The following SLC12A8 variants were observed in gnomAD, a reference collection of about 807,000 sequenced individuals.
The protein encoded by SLC12A8 is solute carrier family 12 member 8, also known as cation-chloride cotransporter 9.
In SLC12A8, 69 loss-of-function variants were observed where a neutral mutation model predicts 75.6. That is an observed-to-expected ratio of 0.91 (90% CI 0.75 to 1.11). The LOEUF (loss-of-function observed/expected upper bound fraction) is 1.11, where lower values mean the gene tolerates loss of function less well. Among genes scored for constraint, SLC12A8 ranks in the 50% most tolerant of loss-of-function variants. The pLI is 0.00. For missense variants in SLC12A8, 877 were observed against 896.7 expected (o/e 0.98, Z 0.28); for synonymous variants, 365 against 372.8 (o/e 0.98, Z 0.24).
chr3:125,125,042 A>G (rs2107753954), intron 6 of SLC12A8, among the ~76,000 whole-genome samples: 1 of 152,138 alleles, frequency 6.6e-6, no homozygotes, highest in Middle Eastern at 3.4e-3. Context: ...AGTGCCTATA[A>G]TATGCTAATA....
chr3:125,178,066 A>G (rs964466963), intron 4 of SLC12A8, 92 bp from the exon 5 acceptor site: 1 of 1,029,836 alleles, frequency 9.7e-7, no homozygotes, highest in African/African-American at 1.6e-5. Flanking sequence ...CTGCACCCCC[A>G]TCGGACACAC....
chr3:125,202,861 G>A (rs1485349273), intron 2 of SLC12A8, among the ~76,000 whole-genome samples: 3 of 151,978 alleles, frequency 2.0e-5, no homozygotes, highest in African/African-American at 7.2e-5. Flanking sequence ...GCCAAGGCGG[G>A]CGGATCACCT....
At chr3:125,166,315 C>G (rs1262725439) in intron 5 of SLC12A8, among the ~76,000 whole-genome samples, 3 of 83,652 alleles carry the variant, frequency 3.6e-5, no homozygotes, top group Non-Finnish European at 6.2e-5. Flanking sequence ...CCCCATACCC[C>G]ACCCCCATCT....
chr3:125,116,111 T>C (rs1486572573), intron 8 of SLC12A8, among the ~76,000 whole-genome samples: 1 of 152,154 alleles, frequency 6.6e-6, no homozygotes, highest in Non-Finnish European at 1.5e-5. Context: ...GCGACACCAG[T>C]GAGCAGGAAA....
At chr3:125,162,672 G>A (rs543895766) in intron 5 of SLC12A8, among the ~76,000 whole-genome samples, 1 of 152,332 alleles carries the variant, frequency 6.6e-6, no homozygotes, top group African/African-American at 2.4e-5. Context: ...TAGCAAATGA[G>A]TAAACTTTTC....
intron 10 of SLC12A8, among the ~76,000 whole-genome samples, chr3:125,093,335 T>C (rs1000311425): frequency 6.6e-6 from 1 of 152,168 alleles, no homozygotes; most frequent in East Asian, 1.9e-4. Flanking sequence ...TTCTCCAATA[T>C]CAAATTTCCA....
At chr3:125,103,580 T>A (rs572879112) in intron 10 of SLC12A8, among the ~76,000 whole-genome samples, 1 of 150,582 alleles carries the variant, frequency 6.6e-6, no homozygotes, top group East Asian at 2.0e-4. Flanking sequence ...TCCTCCCACC[T>A]CAGCCTCCTG....
intron 6 of SLC12A8, among the ~76,000 whole-genome samples, chr3:125,121,698 T>A (rs570213430): frequency 1.3e-5 from 2 of 152,208 alleles, no homozygotes; most frequent in Non-Finnish European, 2.9e-5. Flanking sequence ...AGGTCACACA[T>A]TTAATAAGCA....
At chr3:125,115,093 G>A (rs757257559) in intron 8 of SLC12A8, among the ~76,000 whole-genome samples, 11 of 152,174 alleles carry the variant, frequency 7.2e-5, no homozygotes, top group Non-Finnish European at 1.3e-4. Flanking sequence ...CTATGTGCCA[G>A]GTAAAATGTA....
chr3:125,191,683 G>C (rs1437235269), intron 2 of SLC12A8, among the ~76,000 whole-genome samples: 1 of 152,248 alleles, frequency 6.6e-6, no homozygotes, highest in Non-Finnish European at 1.5e-5. Context: ...CCAGGATCTA[G>C]AACCAAAGGC....
chr3:125,124,025 T>A (rs1933129367), intron 6 of SLC12A8, among the ~76,000 whole-genome samples: 2 of 152,214 alleles, frequency 1.3e-5, no homozygotes, highest in South Asian at 4.2e-4. Flanking sequence ...CAAACCCCCT[T>A]TACTCCTCCC....
intron 6 of SLC12A8, among the ~76,000 whole-genome samples, chr3:125,134,826 T>G (rs960532301): frequency 2.0e-5 from 3 of 152,164 alleles, no homozygotes; most frequent in African/African-American, 7.2e-5. Flanking sequence ...AATGGCCATA[T>G]GTAGGAGGGC....
chr3:125,108,110 G>A lies in SLC12A8; in HGVS notation c.1076C>T (p.Thr359Ile), dbSNP rs1316287317. 5 of 1,613,490 alleles carry A rather than the reference G, an allele frequency of 3.1e-6. No homozygotes were observed. The highest frequency in any genetic ancestry group is 4.2e-6 in the Non-Finnish European group (5 of 1,179,602). ...CLGQGKGPNK[T>I]PVAAICLTSL... is the part of the protein sequence containing the mutation. ...GGTCAGGCAGATGGCAGCCACGGGT[G>A]TTTTGTTTGGCCCCTTCTGCAGGAA... Residue 359 changes from threonine (T) to isoleucine (I), a missense_variant, in exon 10 of 14, where the codon ACA (threonine) becomes ATA (isoleucine). Physicochemically the swap from Thr to Ile is moderately conservative, Grantham distance 89. Transcript: ENST00000469902.
intron 5 of SLC12A8, among the ~76,000 whole-genome samples, chr3:125,152,791 G>C (rs1933959351): frequency 1.3e-5 from 2 of 152,188 alleles, no homozygotes; most frequent in African/African-American, 4.8e-5. Flanking sequence ...CGGCTAACAA[G>C]AAGCATGTGT....
At chr3:125,165,505 C>A (rs889927098) in intron 5 of SLC12A8, among the ~76,000 whole-genome samples, 6 of 152,200 alleles carry the variant, frequency 3.9e-5, no homozygotes, top group Admixed American at 1.3e-4. Flanking sequence ...CGGGGACACG[C>A]CCTGCTGGGA....
At chr3:125,150,133 C>G (rs1299473940) in intron 5 of SLC12A8, among the ~76,000 whole-genome samples, 1 of 152,178 alleles carries the variant, frequency 6.6e-6, no homozygotes, top group Non-Finnish European at 1.5e-5. Flanking sequence ...ATTCTAGAAG[C>G]TCCACTCTGA....
rs115374430 is a variant in SLC12A8, at chr3:125,187,220, C to T, written c.390+17G>A. The T allele has an allele frequency of 0.02, 32,359 of 1,607,000 alleles. 380 individuals carry two copies. Among genetic ancestry groups the T allele is most frequent in the Middle Eastern group, 0.024 (146 of 5,964 alleles). On this transcript the variant is annotated intron_variant, in intron 4 of 13. Transcript: ENST00000469902. ...CAGAGGGCCAGGCAGGGGAAGCATC[C>T]CGGGCGCAGGCCTCACCTGTCCAAA... is the stretch of plus-strand genomic sequence containing the variant.
intron 2 of SLC12A8, among the ~76,000 whole-genome samples, chr3:125,203,333 A>C (rs1579546387): frequency 6.6e-6 from 1 of 152,328 alleles, no homozygotes; most frequent in African/African-American, 2.4e-5. Flanking sequence ...ACCCAACTTC[A>C]AAATATACTA....
chr3:125,207,548 C>A (rs1412231320), intron 2 of SLC12A8, among the ~76,000 whole-genome samples: 1 of 152,210 alleles, frequency 6.6e-6, no homozygotes, highest in African/African-American at 2.4e-5. Context: ...ATTCAATAAA[C>A]ACCTGGTAAA....
Sources: allele counts gnomAD v4.1 joint callset (sites outside exome capture counted in the v4.1 genomes callset), GRCh38; gene constraint gnomAD v4.1.1; transcripts MANE v1.5; gene names NCBI Gene and HGNC (gene_info 2026-07-23, HGNC 2026-07-21).